SYNE1: variants seen among roughly 807,000 people sequenced by gnomAD.
The protein encoded by SYNE1 is spectrin repeat containing nuclear envelope protein 1.
SYNE1 carries 616 observed loss-of-function variants against 1,111.0 expected under a neutral mutation model. The observed-to-expected ratio is 0.55, with a 90% CI of 0.52 to 0.59. The LOEUF is 0.59. Ranked by LOEUF, SYNE1 falls within the 20% of genes least tolerant of loss-of-function variation. SYNE1 has a pLI of 0.00. For missense variants in SYNE1, 10,006 were observed against 10,417.0 expected (o/e 0.96, Z 1.72); for synonymous variants, 3,855 against 3,825.8 (o/e 1.01, Z -0.28).
chr6:152,248,793 C>G (rs7770583), intron 105 of SYNE1, among the ~76,000 whole-genome samples: 7,036 of 152,162 alleles, frequency 0.046, 547 homozygotes, highest in African/African-American at 0.16. Context: ...CTAATCCTAC[C>G]CCTGCTGGAG....
At chr6:152,168,258 G>A (rs748629189) in intron 130 of SYNE1, 18 of 667,922 alleles carry the variant, frequency 2.7e-5, no homozygotes, top group Admixed American at 1.1e-4. Flanking sequence ...TATATCCTGC[G>A]TGGGGATGAA....
chr6:152,347,141 T>C lies in SYNE1; in HGVS notation c.11996A>G (p.Gln3999Arg), dbSNP rs2096651758. Residue 3999 changes from glutamine (Q) to arginine (R), a missense_variant, in exon 73 of 146, where the codon CAA (glutamine) becomes CGA (arginine). Physicochemically the swap from Gln to Arg is conservative, Grantham distance 43. Around this residue, in one of 7 missense-constraint regions of SYNE1, gnomAD observed 4,955 missense variants for 5,017.2 expected, o/e 0.99. Coordinates refer to ENST00000367255, the MANE Select transcript of SYNE1 (RefSeq NM_182961.4). ...ATGCACGTTTTGTTTAAGTTTCGCT[T>C]GCAGGTGGTCTGCACATTGGCCAAT... ...TLIGQCADHL[Q>R]AKLKQNVHAH... 1 of 1,614,220 alleles carries C rather than the reference T, an allele frequency of 6.2e-7. No homozygotes were observed. Among genetic ancestry groups the C allele is most frequent in the South Asian group, 1.1e-5 (1 of 91,090 alleles).
Position 152,220,977 on chromosome 6 carries a change from T to C in SYNE1, c.21726A>G (p.Gln7242=). The change falls in exon 119 of 146, where the codon CAA becomes CAG. Residue 7242 remains glutamine, a synonymous_variant. Coordinates refer to ENST00000367255, the MANE Select transcript of SYNE1 (RefSeq NM_182961.4). ...QSSKALLQLW[Q]RYKDYSKQCA... ...ACTGTTTGGAGTAGTCCTTGTATCT[T>C]TGCCAAAGCTGAAGTAGGGCCTTGC... 6.2e-7 allele frequency: 1 copy of C among 1,614,166 alleles called. No homozygotes were observed. Among genetic ancestry groups the C allele is most frequent in the Non-Finnish European group, 8.5e-7 (1 of 1,180,002 alleles).
chr6:152,496,863 AC>A (rs1279239428), intron 11 of SYNE1, among the ~76,000 whole-genome samples: 1 of 152,210 alleles, frequency 6.6e-6, no homozygotes, highest in African/African-American at 2.4e-5. Context: ...ATGACATTCC[AC>A]CATTGTGGTT....
intron 132 of SYNE1, 33 bp downstream of exon 132, chr6:152,155,877 C>T: frequency 1.2e-6 from 2 of 1,612,492 alleles, no homozygotes; most frequent in Admixed American, 1.7e-5. Flanking sequence ...TTGGTCTTTC[C>T]TCTTCCCTAT....
intron 95 of SYNE1, among the ~76,000 whole-genome samples, chr6:152,290,051 C>T (rs1453547959): frequency 1.3e-5 from 2 of 151,652 alleles, no homozygotes; most frequent in African/African-American, 4.8e-5. Context: ...GTTCTTCTCA[C>T]ATTCTATTTT....
chr6:152,636,180 C>A (rs1001040911), intron 2 of SYNE1, among the ~76,000 whole-genome samples: 44 of 152,084 alleles, frequency 2.9e-4, no homozygotes, highest in Non-Finnish European at 5.1e-4. Flanking sequence ...GGCCTCCGCG[C>A]AGCCTTCAAG....
intron 114 of SYNE1, among the ~76,000 whole-genome samples, chr6:152,230,957 T>A (rs1424008557): frequency 6.6e-6 from 1 of 151,240 alleles, no homozygotes; most frequent in African/African-American, 2.4e-5. Context: ...AAAAAAAAAA[T>A]TGCAAAAGAA....
chr6:152,341,100 T>C (rs1210108097), intron 74 of SYNE1, among the ~76,000 whole-genome samples: 1 of 152,198 alleles, frequency 6.6e-6, no homozygotes, highest in African/African-American at 2.4e-5. Flanking sequence ...AGACATGCTG[T>C]GTTCCTGTGG....
At chr6:152,613,605 T>C (rs1236483420) in intron 3 of SYNE1, among the ~76,000 whole-genome samples, 2 of 151,246 alleles carry the variant, frequency 1.3e-5, no homozygotes, top group African/African-American at 4.8e-5. Flanking sequence ...ATGCTACCAA[T>C]GACTTTCTCC....
At chr6:152,286,067 C>G (rs1310349420) in intron 95 of SYNE1, among the ~76,000 whole-genome samples, 3 of 152,186 alleles carry the variant, frequency 2.0e-5, no homozygotes, top group Non-Finnish European at 2.9e-5. Context: ...AGTGCCTCCT[C>G]AGAGTGGGCT....
At chr6:152,503,957 A>G (rs2099043725) in intron 9 of SYNE1, among the ~76,000 whole-genome samples, 1 of 152,188 alleles carries the variant, frequency 6.6e-6, no homozygotes, top group African/African-American at 2.4e-5. Context: ...AGTTGGCTAA[A>G]TAACTTTTTG....
chr6:152,457,192 G>A (rs2154259770), intron 22 of SYNE1, among the ~76,000 whole-genome samples: 1 of 144,256 alleles, frequency 6.9e-6, no homozygotes, highest in Admixed American at 6.9e-5. Context: ...CAGTCATATA[G>A]TGCCACTTAT....
chr6:152,528,978 G>A (rs1003623993), intron 4 of SYNE1, among the ~76,000 whole-genome samples: 15 of 152,092 alleles, frequency 9.9e-5, no homozygotes, highest in East Asian at 9.6e-4. Flanking sequence ...GCTCTAATCC[G>A]AGTCACTTAG....
Position 152,325,139 on chromosome 6 carries a change from T to C in SYNE1, c.15602A>G (p.Asp5201Gly), listed in dbSNP as rs1031631750. The change falls in exon 81 of 146, where the codon GAC becomes GGC. Residue 5201 changes from aspartate (D) to glycine (G), a missense_variant. Coordinates refer to ENST00000367255, the MANE Select transcript of SYNE1 (RefSeq NM_182961.4). ...TGCATCTTCCAGGATCTTCTCCTGG[T>C]CCTGGGCCACAGCTCGAAGGCGTGT... Reference protein sequence around the residue: ...RWTRLRAVAQDQEKILEDAVD... With the variant: ...RWTRLRAVAQGQEKILEDAVD... The C allele has an allele frequency of 1.9e-6, 3 of 1,614,098 alleles. No individual in the cohort carries two copies. Among genetic ancestry groups the C allele is most frequent in the Admixed American group, 3.3e-5 (2 of 60,004 alleles).
rs371834582 is a variant in SYNE1 at position 152,293,745 on chromosome 6, C to T, written c.17855G>A (p.Ser5952Asn). The change falls in exon 95 of 146, where the codon AGT (serine) becomes AAT (asparagine). Residue 5952 changes from serine (S) to asparagine (N), a missense_variant. By Grantham distance (46) the Ser-to-Asn change is conservative. Coordinates refer to ENST00000367255, the MANE Select transcript of SYNE1 (RefSeq NM_182961.4). Reference protein sequence around the residue: ...RSWETLKNVISEKQRTLYEAL... With the variant: ...RSWETLKNVINEKQRTLYEAL... ...TTCATAGAGTGTGCGCTGCTTCTCACTGATCTACACCAGAAAAGGGATATT... is the reference window on the plus strand; with the variant it reads ...TTCATAGAGTGTGCGCTGCTTCTCATTGATCTACACCAGAAAAGGGATATT... 1 of 1,586,482 alleles carries T rather than the reference C, an allele frequency of 6.3e-7. No individual in the cohort carries two copies. Among genetic ancestry groups the T allele is most frequent in the Non-Finnish European group, 8.6e-7 (1 of 1,167,816 alleles).
At position 152,409,087 on chromosome 6, in the gene SYNE1, G is replaced by T; in HGVS notation, c.6521C>A (p.Thr2174Asn). The change falls in exon 44 of 146, where the codon ACC (threonine) becomes AAC (asparagine). Residue 2174 changes from threonine to asparagine, a missense_variant. Thr to Asn is a moderately conservative substitution (Grantham distance 65). Around this residue, in one of 7 missense-constraint regions of SYNE1, gnomAD observed 4,955 missense variants for 5,017.2 expected, o/e 0.99. Coordinates refer to ENST00000367255, the MANE Select transcript of SYNE1 (RefSeq NM_182961.4). ...FSLVKTDMES[T>N]VDKWLDVSEK... ...TCTTACATCCAGCCATTTGTCCACG[G>T]TGCTCTCCATGTCTGTTTTCACCAA... 3 of 1,614,046 alleles carry T rather than the reference G, an allele frequency of 1.9e-6. No homozygotes were observed. Among genetic ancestry groups the T allele is most frequent in the Non-Finnish European group, 2.5e-6 (3 of 1,179,988 alleles).
intron 3 of SYNE1, among the ~76,000 whole-genome samples, chr6:152,565,012 T>C (rs2099407929): frequency 6.6e-6 from 1 of 152,220 alleles, no homozygotes. Context: ...GTTATACTTG[T>C]TTTTACTCTT....
Position 152,413,126 on chromosome 6 carries a change from C to T in SYNE1, c.6230+226G>A, listed in dbSNP as rs62426459. On this transcript the variant is annotated intron_variant, in intron 42 of 145. Transcript: ENST00000367255. ...TTGGCCTCCCAAAGTGCTGGGATTA[C>T]AGGCATGAGCCACCGTGCCTGGCCT... 0.16 allele frequency among the ~76,000 whole-genome samples: 23,589 copies of T among 152,178 alleles called. 1,974 individuals carry two copies. Among genetic ancestry groups the T allele is most frequent in the East Asian group, 0.36 (1,854 of 5,178 alleles).
Sources: gnomAD v4.1 joint callset for allele counts (sites outside exome capture counted in the v4.1 genomes callset) on GRCh38, gnomAD v4.1.1 for gene constraint, gnomAD v4.1.1 regional missense constraint, MANE v1.5 for transcripts, NCBI Gene and HGNC (gene_info 2026-07-23, HGNC 2026-07-21) for gene names.